MAD1L1: variants seen among roughly 807,000 people sequenced by gnomAD.
MAD1L1 encodes mitotic spindle assembly checkpoint protein MAD1.
In MAD1L1, 95 loss-of-function variants were observed where a neutral mutation model predicts 96.9. The observed-to-expected ratio is 0.98, with a 90% CI of 0.83 to 1.16. The LOEUF (loss-of-function observed/expected upper bound fraction) is 1.16. Ranked by LOEUF, MAD1L1 falls within the 50% of genes most tolerant of loss-of-function variation. The pLI is 0.00. For synonymous variants in MAD1L1, 473 were observed against 396.6 expected (o/e 1.19, Z -2.29); for missense variants, 1,007 against 954.4 (o/e 1.06, Z -0.73).
chr7:1,868,163 C>T (rs1784869746), intron 18 of MAD1L1, among the ~76,000 whole-genome samples: 1 of 152,222 alleles, frequency 6.6e-6, no homozygotes, highest in Non-Finnish European at 1.5e-5. Flanking sequence ...GACACCAGCA[C>T]TCCTGACCCC....
At chr7:1,931,353 C>T (rs1339046928) in intron 17 of MAD1L1, among the ~76,000 whole-genome samples, 2 of 152,374 alleles carry the variant, frequency 1.3e-5, no homozygotes, top group South Asian at 2.1e-4. Context: ...GAGGGGACAG[C>T]CCTCTCTGGC....
At chr7:2,223,498 C>A (rs1050046086) in intron 4 of MAD1L1, 5 of 152,294 alleles carry the variant, frequency 3.3e-5, no homozygotes, top group Admixed American at 1.3e-4. Context: ...CTCACCCTGC[C>A]TTCCTCGGGA....
chr7:1,951,026 T>C (rs954115031), intron 16 of MAD1L1, among the ~76,000 whole-genome samples: 2 of 152,238 alleles, frequency 1.3e-5, no homozygotes, highest in Non-Finnish European at 2.9e-5. Flanking sequence ...CTGGTCCCGC[T>C]GCAACCACAG....
intron 11 of MAD1L1, among the ~76,000 whole-genome samples, chr7:2,072,904 G>C (rs985675478): frequency 2.6e-5 from 4 of 152,216 alleles, no homozygotes; most frequent in African/African-American, 7.2e-5. Flanking sequence ...TGTGGGGCTG[G>C]AGTCCCCCCG....
intron 18 of MAD1L1, among the ~76,000 whole-genome samples, chr7:1,839,746 C>A (rs1167594046): frequency 2.0e-5 from 3 of 152,006 alleles, no homozygotes; most frequent in Non-Finnish European, 4.4e-5. Context: ...CCCCCCGCCT[C>A]CCCCCGGCTC....
intron 11 of MAD1L1, among the ~76,000 whole-genome samples, chr7:2,117,564 C>A (rs1260855167): frequency 6.6e-6 from 1 of 152,168 alleles, no homozygotes; most frequent in Non-Finnish European, 1.5e-5. Context: ...ATAGTGAGCT[C>A]TCGAGAGAGG....
chr7:1,822,699 C>T (rs556524159), intron 18 of MAD1L1, among the ~76,000 whole-genome samples: 7 of 150,612 alleles, frequency 4.6e-5, no homozygotes, highest in Non-Finnish European at 8.8e-5. Context: ...GTTGGGATTA[C>T]AGGCGTGAGC....
intron 18 of MAD1L1, among the ~76,000 whole-genome samples, chr7:1,858,640 C>T (rs1395182596): frequency 1.3e-5 from 2 of 152,222 alleles, no homozygotes; most frequent in East Asian, 1.9e-4. Flanking sequence ...CAGACCCACG[C>T]CACAGTGCAG....
chr7:2,051,896 C>G (rs958485026), intron 12 of MAD1L1, among the ~76,000 whole-genome samples: 3 of 152,022 alleles, frequency 2.0e-5, no homozygotes, highest in Non-Finnish European at 2.9e-5. Context: ...CAGGCTATAC[C>G]ACATGGGGTG....
chr7:2,215,819 AT>A, intron 9 of MAD1L1, 65 bp downstream of exon 9: 1 of 1,462,642 alleles, frequency 6.8e-7, no homozygotes, highest in African/African-American at 1.4e-5. Flanking sequence ...CGTGACCACA[AT>A]ACCGAGGCTC....
At chr7:2,205,497 G>A (rs957143117) in intron 10 of MAD1L1, among the ~76,000 whole-genome samples, 2 of 152,164 alleles carry the variant, frequency 1.3e-5, no homozygotes, top group Non-Finnish European at 1.5e-5. Flanking sequence ...GCTGCACGGA[G>A]ACAGTCCTGA....
At chr7:2,180,170 A>T (rs1183045562) in intron 10 of MAD1L1, among the ~76,000 whole-genome samples, 1 of 152,136 alleles carries the variant, frequency 6.6e-6, no homozygotes, top group African/African-American at 2.4e-5. Context: ...GTCCATGGGG[A>T]CTGAGATTCT....
intron 4 of MAD1L1, among the ~76,000 whole-genome samples, chr7:2,224,482 A>G (rs1388396393): frequency 3.3e-5 from 5 of 152,230 alleles, no homozygotes; most frequent in Non-Finnish European, 7.3e-5. Context: ...CACTGAGCCC[A>G]CACAACGCAC....
chr7:1,886,161 C>A (rs1033785160), intron 18 of MAD1L1, among the ~76,000 whole-genome samples: 5 of 152,214 alleles, frequency 3.3e-5, no homozygotes, highest in African/African-American at 1.2e-4. Flanking sequence ...GGGCACCTGG[C>A]GGCAAGCTCT....
Position 2,225,399 on chromosome 7 carries a change from C to T in MAD1L1, c.291+11G>A. 6.2e-7 allele frequency: 1 copy of T among 1,612,524 alleles called. No individual in the cohort carries two copies. The highest frequency in any genetic ancestry group is 8.5e-7 in the Non-Finnish European group (1 of 1,179,944). Reference sequence around the variant, plus strand: ...GCTGTCTGGGCCGACCCTCGCCCCGCCTGAACCCACCTCGTAGTTCCTGGC... The same window carrying T: ...GCTGTCTGGGCCGACCCTCGCCCCGTCTGAACCCACCTCGTAGTTCCTGGC... On this transcript the variant is annotated intron_variant, in intron 4 of 18. Coordinates refer to ENST00000265854, the MANE Select transcript of MAD1L1 (RefSeq NM_001013836.2).
intron 12 of MAD1L1, among the ~76,000 whole-genome samples, chr7:2,038,131 C>T (rs1050199139): frequency 1.3e-5 from 2 of 152,142 alleles, no homozygotes; most frequent in African/African-American, 4.8e-5. Flanking sequence ...CAAACCAGCC[C>T]CAACATTCCC....
At chr7:2,082,075 T>G (rs534099397) in intron 11 of MAD1L1, among the ~76,000 whole-genome samples, 1 of 151,718 alleles carries the variant, frequency 6.6e-6, no homozygotes, top group Non-Finnish European at 1.5e-5. Context: ...CAAGAACTTA[T>G]GTAAGAAGGA....
At chr7:2,031,855 G>A (rs911512597) in intron 12 of MAD1L1, among the ~76,000 whole-genome samples, 2 of 152,388 alleles carry the variant, frequency 1.3e-5, no homozygotes, top group Non-Finnish European at 1.5e-5. Context: ...GCAGGGCAAC[G>A]TGGGAAACAG....
intron 10 of MAD1L1, among the ~76,000 whole-genome samples, chr7:2,167,044 A>C (rs1416167910): frequency 6.6e-6 from 1 of 152,224 alleles, no homozygotes; most frequent in East Asian, 1.9e-4. Flanking sequence ...GGAAGGCCCC[A>C]GGTGAGCTCG....
Sources: gnomAD v4.1 joint callset for allele counts (sites outside exome capture counted in the v4.1 genomes callset) on GRCh38, gnomAD v4.1.1 for gene constraint, MANE v1.5 for transcripts, NCBI Gene and HGNC (gene_info 2026-07-23, HGNC 2026-07-21) for gene names.